AGBL1: variants seen among roughly 807,000 people sequenced by gnomAD.
AGBL1 encodes the protein cytosolic carboxypeptidase 4.
AGBL1 carries 130 observed loss-of-function variants against 118.9 expected under a neutral mutation model. That is an observed-to-expected ratio of 1.09 (90% CI 0.95 to 1.26). AGBL1 has a LOEUF of 1.26. AGBL1 is among the 50% of genes most tolerant of loss of function. The pLI is 0.00. For missense variants in AGBL1, 1,584 were observed against 1,298.1 expected (o/e 1.22, Z -3.38); for synonymous variants, 555 against 478.9 (o/e 1.16, Z -2.08).
intron 21 of AGBL1, among the ~76,000 whole-genome samples, chr15:86,653,324 C>T (rs956523707): frequency 6.6e-6 from 1 of 152,146 alleles, no homozygotes; most frequent in Non-Finnish European, 1.5e-5. Context: ...GCTCCTTTCC[C>T]TTCTCCCTGC....
At chr15:86,135,053 G>A (rs996721102) in intron 1 of AGBL1, among the ~76,000 whole-genome samples, 3 of 152,170 alleles carry the variant, frequency 2.0e-5, no homozygotes, top group African/African-American at 7.2e-5. Flanking sequence ...CTTGCACAGA[G>A]TAGGCATTCA....
intron 22 of AGBL1, among the ~76,000 whole-genome samples, chr15:86,839,956 C>T (rs2079222458): frequency 1.3e-5 from 2 of 152,138 alleles, no homozygotes; most frequent in African/African-American, 4.8e-5. Flanking sequence ...TCTACCTTTC[C>T]AGGCAAGTCA....
chr15:86,324,879 C>T (rs1414945716), intron 17 of AGBL1, among the ~76,000 whole-genome samples: 1 of 152,102 alleles, frequency 6.6e-6, no homozygotes, highest in Non-Finnish European at 1.5e-5. Flanking sequence ...GAGCCAATGT[C>T]TCCCTAGCTC....
rs1226886979 is a variant in AGBL1, at chr15:86,764,319, T to C, written c.3158+89883T>C. Among the ~76,000 whole-genome samples, 3 of 152,142 alleles carry C rather than the reference T, an allele frequency of 2.0e-5. No homozygotes were observed. In the East Asian group the frequency reaches 5.8e-4, roughly 30 times the overall value. On this transcript the variant is annotated intron_variant, in intron 22 of 22. Transcript: ENST00000614907. Reference sequence around the variant, plus strand: ...TAAGCTGTATATGGGTACAGTGATATGTAGTGAAAGTTTAAAAACAATGAC... The same window carrying C: ...TAAGCTGTATATGGGTACAGTGATACGTAGTGAAAGTTTAAAAACAATGAC...
At chr15:86,967,792 T>TC (rs1188017484) in intron 23 of AGBL1, among the ~76,000 whole-genome samples, 31 of 152,272 alleles carry the variant, frequency 2.0e-4, no homozygotes, top group African/African-American at 7.0e-4. Flanking sequence ...TGGCTTAGGA[T>TC]TGACTTGACA....
At chr15:86,156,794 C>A (rs200966211) in intron 4 of AGBL1, among the ~76,000 whole-genome samples, 4 of 105,550 alleles carry the variant, frequency 3.8e-5, no homozygotes, top group Non-Finnish European at 8.2e-5. Flanking sequence ...TCTTTTCTTT[C>A]TTTTTTTTTT....
At chr15:86,336,733 T>C (rs2080375323) in intron 17 of AGBL1, among the ~76,000 whole-genome samples, 1 of 152,202 alleles carries the variant, frequency 6.6e-6, no homozygotes, top group African/African-American at 2.4e-5. Context: ...GACACAAACC[T>C]ATCCCACTAA....
downstream of AGBL1, among the ~76,000 whole-genome samples, chr15:87,030,254 G>C (rs1204161416): frequency 6.6e-6 from 1 of 151,904 alleles, no homozygotes; most frequent in African/African-American, 2.4e-5. Flanking sequence ...ACAAGGTTAA[G>C]AGAAGAGATT....
intron 21 of AGBL1, among the ~76,000 whole-genome samples, chr15:86,621,352 T>G (rs1310853753): frequency 6.6e-6 from 1 of 152,228 alleles, no homozygotes; most frequent in African/African-American, 2.4e-5. Flanking sequence ...ATAAAGATAC[T>G]GTAACAAATT....
downstream of AGBL1, among the ~76,000 whole-genome samples, chr15:86,917,789 AG>A (rs11322762): frequency 0.34 from 51,516 of 149,610 alleles, 10,286 homozygotes; most frequent in Non-Finnish European, 0.47. This position sits in a 1 kb window ranked among gnomAD's most constrained non-coding sequence, Gnocchi z 4.8. Context: ...GGAGAGAGAG[AG>A]AAGAGAGAGG....
At chr15:86,449,538 C>T (rs1340540419) in intron 18 of AGBL1, among the ~76,000 whole-genome samples, 1 of 152,146 alleles carries the variant, frequency 6.6e-6, no homozygotes, top group African/African-American at 2.4e-5. Flanking sequence ...GGATTCTTGG[C>T]CAAGTGGCCC....
At chr15:86,783,046 C>G (rs1193661599) in intron 22 of AGBL1, among the ~76,000 whole-genome samples, 1 of 152,190 alleles carries the variant, frequency 6.6e-6, no homozygotes, top group African/African-American at 2.4e-5. Flanking sequence ...CTGAGAAAAA[C>G]AGTTGCATCC....
At chr15:86,540,996 T>G (rs952435783) in intron 19 of AGBL1, among the ~76,000 whole-genome samples, 2 of 152,202 alleles carry the variant, frequency 1.3e-5, no homozygotes, top group Non-Finnish European at 2.9e-5. Flanking sequence ...GAATTTAGTA[T>G]TTAAGGAGTG....
chr15:86,986,404 ACTTT>A (rs1469153727), intron 23 of AGBL1, among the ~76,000 whole-genome samples: 1 of 152,248 alleles, frequency 6.6e-6, no homozygotes, highest in African/African-American at 2.4e-5. Context: ...ACACTACCGT[ACTTT>A]CTTAATTACT....
At chr15:86,735,602 C>CTGTGTGTG (rs35147328) in intron 22 of AGBL1, among the ~76,000 whole-genome samples, 1,881 of 141,916 alleles carry the variant, frequency 0.013, 52 homozygotes, top group African/African-American at 0.046. Context: ...GAGATACAGA[C>CTGTGTGTG]TGTGTGTGTG....
chr15:86,222,742 A>T (rs903862796), intron 5 of AGBL1, among the ~76,000 whole-genome samples: 1 of 152,146 alleles, frequency 6.6e-6, no homozygotes, highest in African/African-American at 2.4e-5. Context: ...TGTGACACTT[A>T]TCATGCATTT....
chr15:86,344,043 C>G (rs1156688226), intron 17 of AGBL1, among the ~76,000 whole-genome samples: 1 of 152,214 alleles, frequency 6.6e-6, no homozygotes, highest in Non-Finnish European at 1.5e-5. Flanking sequence ...CTCACTCTCC[C>G]TGTGCTGTGG....
chr15:86,140,487 C>T (rs2076948813), intron 1 of AGBL1, among the ~76,000 whole-genome samples: 1 of 152,088 alleles, frequency 6.6e-6, no homozygotes, highest in Admixed American at 6.5e-5. Flanking sequence ...TGAAAGACCC[C>T]TTGTGCCAGG....
intron 1 of AGBL1, among the ~76,000 whole-genome samples, chr15:86,122,865 G>C (rs1267141543): frequency 6.6e-6 from 1 of 152,094 alleles, no homozygotes; most frequent in Non-Finnish European, 1.5e-5. Context: ...AGGCACAGCT[G>C]ACCAGCATTA....
Sources: allele counts gnomAD v4.1 joint callset (sites outside exome capture counted in the v4.1 genomes callset), GRCh38; gene constraint gnomAD v4.1.1; non-coding constraint Gnocchi (gnomAD v3.1); transcripts MANE v1.5; gene names NCBI Gene and HGNC (gene_info 2026-07-23, HGNC 2026-07-21).